The following PLK5 variants were observed in gnomAD, a reference collection of about 807,000 sequenced individuals.
PLK5 encodes inactive serine/threonine-protein kinase PLK5.
PLK5 carries 28 observed loss-of-function variants against 33.7 expected under a neutral mutation model. That is an observed-to-expected ratio of 0.83 (90% CI 0.62 to 1.14). The LOEUF (loss-of-function observed/expected upper bound fraction) is 1.14. Among genes scored for constraint, PLK5 ranks in the 50% most tolerant of loss-of-function variants. The pLI is 0.00. For missense variants in PLK5, 492 were observed against 461.5 expected (o/e 1.07, Z -0.61); for synonymous variants, 225 against 202.2 (o/e 1.11, Z -0.96).
At position 1,526,805 on chromosome 19, in the gene PLK5, G is replaced by A; in HGVS notation, c.-95+14G>A. 2 of 676,858 alleles carry A rather than the reference G, an allele frequency of 3.0e-6. No homozygotes were observed. Among genetic ancestry groups the A allele is most frequent in the East Asian group, 2.8e-5 (1 of 35,174 alleles). 41.9% of individuals were successfully genotyped at this position (676,858 alleles called of 1,614,324 possible). A position where few individuals can be genotyped will look rare whatever the true frequency, so the allele number is the denominator to read the frequency against. ...CCGCTGCCACAGGTGAGAGCCGGGG[G>A]GAGGGCTCTGAGCAGTCCGTCCGGG... On this transcript the variant is annotated intron_variant, in intron 5 of 13. Transcript: ENST00000454744.
rs1462556262 is a variant in PLK5 at position 1,533,933 on chromosome 19, G to A, written c.717G>A (p.Glu239=). ...ACCTCAGCCGAGTCTGTCCACAGGAGGGGACCCTCCCCACACCTGTGCCAC... is the reference window on the plus strand; with the variant it reads ...ACCTCAGCCGAGTCTGTCCACAGGAAGGGACCCTCCCCACACCTGTGCCAC... ...HPHGPATPRR[E]GTLPTPVPPA... Residue 239 remains glutamate, a splice_region_variant and synonymous_variant, in exon 13 of 14, where the codon GAG becomes GAA. Coordinates refer to ENST00000454744, the MANE Select transcript of PLK5 (RefSeq NM_001243079.2). 9 of 1,533,672 alleles carry A rather than the reference G, an allele frequency of 5.9e-6. No individual in the cohort carries two copies. The highest frequency in any genetic ancestry group is 7.9e-6 in the Non-Finnish European group (9 of 1,146,260).
In PLK5 at chr19:1,524,739, GTGTT is replaced by G. The variant is rs957436817; in HGVS notation, c.-544+497_-544+500del. 1.7e-4 allele frequency among the ~76,000 whole-genome samples: 26 copies of G among 151,520 alleles called. No homozygotes were observed. Among genetic ancestry groups the G allele is most frequent in the African/African-American group, 4.9e-4 (20 of 41,002 alleles). On this transcript the variant is annotated intron_variant, in intron 1 of 13. Transcript: ENST00000454744. The surrounding 1 kb of genome is among the most constrained non-coding windows in gnomAD (Gnocchi z 4.5). ...TTGTGTGTTCATGTGGTGTGCTTGT[GTGTT>G]TGTGTGTTCATATGTGGTGTGTCTA...
At chr19:1,527,046 GTGTGGC>G in intron 6 of PLK5, 48 bp downstream of exon 6, 1 of 1,255,290 alleles carries the variant, frequency 8.0e-7, no homozygotes, top group Non-Finnish European at 1.1e-6. Context: ...GGGGGGGCAG[GTGTGGC>G]GGGGGGGGAG....
chr19:1,527,177 C>T (rs1476701848), intron 6 of PLK5, among the ~76,000 whole-genome samples, 179 bp downstream of exon 6: 2 of 149,938 alleles, frequency 1.3e-5, no homozygotes, highest in Non-Finnish European at 1.5e-5. Flanking sequence ...TGAGGGAGGA[C>T]GGGGGAGGGT....
chr19:1,528,837 C>A, intron 8 of PLK5, 61 bp from the exon 9 acceptor site: 1 of 1,276,124 alleles, frequency 7.8e-7, no homozygotes, highest in East Asian at 2.6e-5. Context: ...TGGCAGGTGC[C>A]CCCCTACCCC....
chr19:1,533,947 C>A lies in PLK5; in HGVS notation c.731C>A (p.Thr244Lys), dbSNP rs1309248316. 3.3e-6 allele frequency: 5 copies of A among 1,534,282 alleles called. No individual in the cohort carries two copies. The African/African-American group carries it at 6.9e-5, about 21-fold the overall frequency. Residue 244 changes from threonine (T) to lysine (K), a missense_variant, in exon 13 of 14, where the codon ACA becomes AAA. Thr to Lys is a moderately conservative substitution (Grantham distance 78, BLOSUM62 -1). Coordinates refer to ENST00000454744, the MANE Select transcript of PLK5 (RefSeq NM_001243079.2). ...TGTCCACAGGAGGGGACCCTCCCCACACCTGTGCCACCTGCTGGACCCGGC... is the reference window on the plus strand; with the variant it reads ...TGTCCACAGGAGGGGACCCTCCCCAAACCTGTGCCACCTGCTGGACCCGGC... ...ATPRREGTLP[T>K]PVPPAGPGLC...
intron 12 of PLK5, 34 bp from the exon 13 acceptor site, chr19:1,533,897 T>G (rs1233421203): frequency 6.7e-7 from 1 of 1,484,708 alleles, no homozygotes; most frequent in East Asian, 2.5e-5. Flanking sequence ...GGACGCCCCC[T>G]GCGTCACGTG....
At chr19:1,529,863 T>C (rs1568253654) in intron 11 of PLK5, 39 bp downstream of exon 11, 23 of 1,517,550 alleles carry the variant, frequency 1.5e-5, no homozygotes, top group Non-Finnish European at 2.0e-5. Flanking sequence ...CCTTTACTCT[T>C]ACTAGCCAAG....
chr19:1,527,141 A>C, intron 6 of PLK5, 143 bp downstream of exon 6: 4 of 882,538 alleles, frequency 4.5e-6, no homozygotes, highest in Non-Finnish European at 3.4e-6. Context: ...TGCAGTATGA[A>C]CAGGACGTGT....
chr19:1,524,816 G>C lies in PLK5; in HGVS notation c.-543-489G>C, dbSNP rs1395177864. On this transcript the variant is annotated intron_variant, in intron 1 of 13. Transcript: ENST00000454744. This position sits in a 1 kb window ranked among gnomAD's most constrained non-coding sequence, Gnocchi z 4.5. ...GTATCTGTGTCTTTGTCCATGTGTT[G>C]TACTGTGTGTCCAGGTGTTGTGTGT... is the stretch of plus-strand genomic sequence containing the variant. 1.3e-5 allele frequency: 2 copies of C among 152,798 alleles called. No homozygotes were observed. The highest frequency in any genetic ancestry group is 4.8e-5 in the African/African-American group (2 of 41,390). The allele number at this position is 152,798 out of a possible 1,614,324, so 9.5% of individuals were successfully genotyped here. A position where few individuals can be genotyped will look rare whatever the true frequency, so the allele number is the denominator to read the frequency against.
intron 6 of PLK5, among the ~76,000 whole-genome samples, chr19:1,527,203 G>T (rs1273866762): frequency 6.6e-6 from 1 of 152,096 alleles, no homozygotes; most frequent in Non-Finnish European, 1.5e-5. Flanking sequence ...CAGAGAGGTG[G>T]ACAGGTGTGG....
In PLK5 at chr19:1,528,420, G is replaced by A. The variant is rs569714931; in HGVS notation, c.320G>A (p.Arg107Gln). 16 of 1,533,110 alleles carry A rather than the reference G, an allele frequency of 1.0e-5. No individual in the cohort carries two copies. The highest frequency in any genetic ancestry group is 2.4e-5 in the East Asian group (1 of 40,846). The allele number at this position is 1,533,110 out of a possible 1,614,324, so 95.0% of individuals were successfully genotyped here. A position where few individuals can be genotyped will look rare whatever the true frequency, so the allele number is the denominator to read the frequency against. The part of the protein sequence containing the change: ...KVGQRLLTQC[R>Q]PPCPFTPKEA... The stretch of plus-strand genomic sequence containing the variant: ...GGCCAGCGGCTGCTCACCCAGTGCC[G>A]GCCACCCTGTAAGTACCACCCCCGC... The change falls in exon 8 of 14, where the codon CGG becomes CAG. Residue 107 changes from arginine to glutamine, a missense_variant. By Grantham distance (43) the Arg-to-Gln change is conservative (BLOSUM62 1). Transcript: ENST00000454744.
chr19:1,529,899 G>T, intron 11 of PLK5, 75 bp downstream of exon 11: 1 of 1,423,864 alleles, frequency 7.0e-7, no homozygotes, highest in Non-Finnish European at 9.4e-7. Flanking sequence ...TCCCATCCTG[G>T]GCCCTCCTGG....
In PLK5 at chr19:1,527,923, C is replaced by T. The variant is rs73919226; in HGVS notation, c.3-13C>T. ...GCCTGGACACCCAGGTTCTTGCCCCCCACCTGGCCCAGGTACACGGTGCTG... is the reference window on the plus strand; with the variant it reads ...GCCTGGACACCCAGGTTCTTGCCCCTCACCTGGCCCAGGTACACGGTGCTG... On this transcript the variant is annotated splice_polypyrimidine_tract_variant and intron_variant, in intron 6 of 13. Transcript: ENST00000454744. The T allele has an allele frequency of 2.5e-3, 3,862 of 1,530,526 alleles. 75 individuals are homozygous for T. In the African/African-American group the frequency reaches 0.044, roughly 17 times the overall value. The allele number at this position is 1,530,526 out of a possible 1,614,324, so 94.8% of individuals were successfully genotyped here.
intron 12 of PLK5, among the ~76,000 whole-genome samples, chr19:1,532,807 C>T (rs1913970745): frequency 6.6e-6 from 1 of 152,012 alleles, no homozygotes; most frequent in Admixed American, 6.6e-5. Context: ...TAGGCATGAG[C>T]CACCGCGCTC....
rs371714996 is a variant in PLK5 at position 1,531,841 on chromosome 19, G to A, written c.672G>A (p.Gly224=). The change falls in exon 12 of 14, where the codon GGG becomes GGA. Residue 224 remains glycine (G), a synonymous_variant. Coordinates refer to ENST00000454744, the MANE Select transcript of PLK5 (RefSeq NM_001243079.2). ...TTGGCTACCAGCTCTTGGACGGGGGGCGCACGGGACGGCACCCACATGGCC... is the reference window on the plus strand; with the variant it reads ...TTGGCTACCAGCTCTTGGACGGGGGACGCACGGGACGGCACCCACATGGCC... The part of the protein sequence containing the change: ...YGFGYQLLDG[G]RTGRHPHGPA... 1.6e-5 allele frequency: 24 copies of A among 1,531,150 alleles called. No homozygotes were observed. The Middle Eastern group carries it at 6.7e-4, about 43-fold the overall frequency. 94.8% of individuals were successfully genotyped at this position (1,531,150 alleles called of 1,614,324 possible).
chr19:1,528,847 C>G, intron 8 of PLK5, 51 bp from the exon 9 acceptor site: 1 of 1,384,972 alleles, frequency 7.2e-7, no homozygotes, highest in South Asian at 1.5e-5. Flanking sequence ...CCCCCTACCC[C>G]CAGCTTGGGG....
chr19:1,533,754 A>T, intron 12 of PLK5, 177 bp from the exon 13 acceptor site: 1 of 610,062 alleles, frequency 1.6e-6, no homozygotes, highest in Non-Finnish European at 2.9e-6. Context: ...GGGAGGCTGG[A>T]AGCCTTCGCC....
Position 1,528,017 on chromosome 19 carries a change from C to A in PLK5, c.84C>A (p.Tyr28Ter). ...ACCAAAACATCCGTGAGGGCCACTACCCCGAACCCGCTCACCTGTCTGCCA... is the reference window on the plus strand; with the variant it reads ...ACCAAAACATCCGTGAGGGCCACTAACCCGAACCCGCTCACCTGTCTGCCA... The part of the protein sequence containing the change: ...EMYQNIREGH[Y>*]PEPAHLSANA... Residue 28 changes from tyrosine (Y) to a stop codon, truncating the protein, a stop_gained, in exon 7 of 14, where the codon TAC becomes TAA. Transcript: ENST00000454744. LOFTEE classifies it high-confidence loss of function. 1 of 1,536,174 alleles carries A rather than the reference C, an allele frequency of 6.5e-7. No homozygotes were observed. Among genetic ancestry groups the A allele is most frequent in the Non-Finnish European group, 8.7e-7 (1 of 1,146,882 alleles).
Sources: gnomAD v4.1 joint callset for allele counts (sites outside exome capture counted in the v4.1 genomes callset) on GRCh38, gnomAD v4.1.1 for gene constraint, Gnocchi (gnomAD v3.1) non-coding constraint, MANE v1.5 for transcripts, NCBI Gene and HGNC (gene_info 2026-07-23, HGNC 2026-07-21) for gene names.